Variants in CNBD1 observed in about 807,000 individuals in gnomAD.
CNBD1 encodes cyclic nucleotide binding domain containing 1, also known as cyclic nucleotide-binding domain-containing protein 1.
Under a neutral mutation model 54.4 loss-of-function variants are expected in CNBD1, and 71 were observed. That is an observed-to-expected ratio of 1.30 (90% CI 1.08 to 1.59). CNBD1 has a LOEUF of 1.59. Ranked by LOEUF, CNBD1 falls within the 40% of genes most tolerant of loss-of-function variation. The pLI is 0.00. For synonymous variants in CNBD1, 182 were observed against 170.7 expected (o/e 1.07, Z -0.51); for missense variants, 659 against 518.0 (o/e 1.27, Z -2.64).
chr8:87,375,251 G>A (rs570266905), intron 10 of CNBD1, among the ~76,000 whole-genome samples: 1 of 151,910 alleles, frequency 6.6e-6, no homozygotes, highest in South Asian at 2.1e-4. Flanking sequence ...TTTAAAAACA[G>A]CTGATAGTTT....
At chr8:87,088,740 T>C (rs1242010973) in intron 4 of CNBD1, among the ~76,000 whole-genome samples, 1 of 152,124 alleles carries the variant, frequency 6.6e-6, no homozygotes, top group Non-Finnish European at 1.5e-5. Flanking sequence ...TTAAAAAGAA[T>C]GGCCTGTAAA....
At chr8:87,306,045 A>G (rs1204124622) in intron 8 of CNBD1, among the ~76,000 whole-genome samples, 1 of 152,192 alleles carries the variant, frequency 6.6e-6, no homozygotes, top group Admixed American at 6.5e-5. Flanking sequence ...CAACAAACTC[A>G]AATACAACAG....
rs181489370 is a variant in CNBD1, at chr8:87,043,794, T to C, written c.431+104040T>C. 2.0e-5 allele frequency among the ~76,000 whole-genome samples: 3 copies of C among 152,214 alleles called. No individual in the cohort carries two copies. The South Asian group carries it at 6.2e-4, about 31-fold the overall frequency. On this transcript the variant is annotated intron_variant, in intron 4 of 10. Transcript: ENST00000518476. ...CAGGCTCCCTCTTACCTCTCGATGTTTCTAAAAACTCATTATTTCTTTAGC... is the reference window on the plus strand; with the variant it reads ...CAGGCTCCCTCTTACCTCTCGATGTCTCTAAAAACTCATTATTTCTTTAGC...
intron 4 of CNBD1, among the ~76,000 whole-genome samples, chr8:87,165,848 C>G (rs1052694003): frequency 6.6e-6 from 1 of 151,676 alleles, no homozygotes; most frequent in African/African-American, 2.4e-5. Flanking sequence ...GTTTATTTGC[C>G]GTCATATATA....
intron 4 of CNBD1, among the ~76,000 whole-genome samples, chr8:86,948,246 T>C (rs1480933443): frequency 6.6e-6 from 1 of 152,150 alleles, no homozygotes; most frequent in Non-Finnish European, 1.5e-5. Flanking sequence ...CTCTTCAATA[T>C]ACTGATTTCC....
At chr8:87,275,523 C>A (rs890820200) in intron 6 of CNBD1, among the ~76,000 whole-genome samples, 1 of 132,686 alleles carries the variant, frequency 7.5e-6, no homozygotes, top group Non-Finnish European at 1.8e-5. Context: ...AATTCAACAA[C>A]ACTTCATGCT....
intron 4 of CNBD1, among the ~76,000 whole-genome samples, chr8:87,164,847 A>C (rs1246576529): frequency 4.6e-5 from 7 of 151,542 alleles, no homozygotes. Context: ...TCCTTTCCAC[A>C]TTCCTTGAGG....
chr8:87,295,366 AAT>A (rs1808859503), intron 8 of CNBD1, among the ~76,000 whole-genome samples: 1 of 151,930 alleles, frequency 6.6e-6, no homozygotes. Context: ...TTTTATTAAT[AAT>A]ATGATAAATG....
chr8:87,076,025 T>G (rs960830622), intron 4 of CNBD1, among the ~76,000 whole-genome samples: 1 of 152,210 alleles, frequency 6.6e-6, no homozygotes, highest in African/African-American at 2.4e-5. Context: ...ATACATACAC[T>G]AGTGGTGTAA....
intron 10 of CNBD1, among the ~76,000 whole-genome samples, chr8:87,361,415 G>C (rs1810521766): frequency 1.3e-5 from 2 of 151,704 alleles, no homozygotes; most frequent in Non-Finnish European, 2.9e-5. Context: ...AAAAAGAACA[G>C]AGGAAAATGA....
chr8:86,930,548 C>T (rs988763975), intron 3 of CNBD1, among the ~76,000 whole-genome samples: 1 of 152,140 alleles, frequency 6.6e-6, no homozygotes, highest in Non-Finnish European at 1.5e-5. Flanking sequence ...CTGTGGGATC[C>T]TCAAAGGCAA....
intron 8 of CNBD1, among the ~76,000 whole-genome samples, chr8:87,321,439 A>G (rs1292990104): frequency 2.0e-5 from 3 of 152,154 alleles, no homozygotes; most frequent in Non-Finnish European, 4.4e-5. Flanking sequence ...TGTTTGTGTA[A>G]TAATTAGTGA....
intron 3 of CNBD1, among the ~76,000 whole-genome samples, chr8:86,938,932 A>T (rs997759293): frequency 6.6e-6 from 1 of 152,208 alleles, no homozygotes; most frequent in East Asian, 1.9e-4. Flanking sequence ...TTAAAGGTCT[A>T]TTATCAAGAT....
At chr8:87,278,466 C>T (rs1426700892) in intron 6 of CNBD1, among the ~76,000 whole-genome samples, 1 of 151,460 alleles carries the variant, frequency 6.6e-6, no homozygotes, top group Non-Finnish European at 1.5e-5. Context: ...TTTTAATGAA[C>T]TCGTAACAAA....
At chr8:87,087,437 C>T (rs1443095030) in intron 4 of CNBD1, among the ~76,000 whole-genome samples, 1 of 149,668 alleles carries the variant, frequency 6.7e-6, no homozygotes, top group African/African-American at 2.4e-5. Context: ...AAAAATGATT[C>T]AGAGATTCCT....
intron 2 of CNBD1, among the ~76,000 whole-genome samples, chr8:87,401,567 G>T (rs1327315948): frequency 1.3e-5 from 2 of 151,934 alleles, no homozygotes; most frequent in Non-Finnish European, 2.9e-5. Flanking sequence ...GTTATTTTTT[G>T]TTGTTGTTGA....
At chr8:87,118,562 C>G (rs1036009283) in intron 4 of CNBD1, among the ~76,000 whole-genome samples, 2 of 151,964 alleles carry the variant, frequency 1.3e-5, no homozygotes, top group Non-Finnish European at 2.9e-5. Context: ...CAGTTTCTAG[C>G]GAGAGCAAAG....
At chr8:87,329,192 C>T (rs2336996) in intron 8 of CNBD1, among the ~76,000 whole-genome samples, 24,271 of 151,938 alleles carry the variant, frequency 0.16, 2,659 homozygotes, top group African/African-American at 0.32. Flanking sequence ...TACTGTACTG[C>T]CTTTGTTCTG....
intron 1 of CNBD1, among the ~76,000 whole-genome samples, chr8:86,869,490 G>T (rs35743808): frequency 0.12 from 18,529 of 152,180 alleles, 1,345 homozygotes; most frequent in African/African-American, 0.21. Flanking sequence ...CTGCTATCTT[G>T]TTGACTCTGA....
Sources: allele counts gnomAD v4.1 joint callset (sites outside exome capture counted in the v4.1 genomes callset), GRCh38; gene constraint gnomAD v4.1.1; transcripts MANE v1.5; gene names NCBI Gene and HGNC (gene_info 2026-07-23, HGNC 2026-07-21).